Variants in DNAH5 observed in about 807,000 individuals in gnomAD.
DNAH5 encodes axonemal beta dynein heavy chain 5.
A neutral mutation model predicts 518.2 loss-of-function variants in DNAH5; 372 were observed. The ratio of observed to expected loss-of-function variants is 0.72; its 90% CI spans 0.66 to 0.78. The LOEUF is 0.78. DNAH5 is among the 30% of genes least tolerant of loss of function. The probability of loss-of-function intolerance (pLI) is 0.00; values close to 1 mark genes in which losing one functional copy is unlikely to be tolerated. For missense variants in DNAH5, 5,523 were observed against 5,687.0 expected, an observed-to-expected ratio of 0.97 and a Z score of 0.93; for synonymous variants, 2,039 against 2,025.9, an observed-to-expected ratio of 1.01 and a Z score of -0.17.
intron 1 of DNAH5, among the ~76,000 whole-genome samples, chr5:13,975,583 T>G (rs1249229407): frequency 2.0e-5 from 3 of 152,196 alleles, no homozygotes. Flanking sequence ...ACTTACCATA[T>G]GGAATGAAAG....
At chr5:13,729,617 A>G (rs1007414227) in intron 68 of DNAH5, 57 bp from the exon 69 acceptor site, 2 of 1,426,898 alleles carry the variant, frequency 1.4e-6, no homozygotes, top group East Asian at 5.0e-5. Flanking sequence ...AAAACAATCT[A>G]TTTAGTAAAA....
intron 1 of DNAH5, among the ~76,000 whole-genome samples, chr5:13,959,374 C>T (rs1372928780): frequency 1.3e-5 from 2 of 152,212 alleles, no homozygotes; most frequent in East Asian, 3.9e-4. Flanking sequence ...AAGAGGCAGA[C>T]AAGTGTGGAT....
At chr5:13,937,142 C>T (rs1244371099) in intron 1 of DNAH5, among the ~76,000 whole-genome samples, 1 of 151,818 alleles carries the variant, frequency 6.6e-6, no homozygotes, top group African/African-American at 2.4e-5. Flanking sequence ...GGAATCAAGC[C>T]CTTGCTGTCC....
At position 13,770,753 on chromosome 5, in the gene DNAH5, T is replaced by C; in HGVS notation, c.9601A>G (p.Asn3201Asp). ...EKHVEVRTLA[N>D]RMNTGLEKLK... is the part of the protein sequence containing the mutation. ...GTATAAGAACATCACACTTACCTGT[T>C]GGCCAGGGTCCGCACCTCCACATGC... The change falls in exon 56 of 79, where the codon AAC (asparagine) becomes GAC (aspartate). Residue 3201 changes from asparagine to aspartate, a missense_variant. Physicochemically the swap from Asn to Asp is conservative, Grantham distance 23. Transcript: ENST00000265104. 6.2e-7 allele frequency: 1 copy of C among 1,613,524 alleles called. No homozygotes were observed. Among genetic ancestry groups the C allele is most frequent in the Non-Finnish European group, 8.5e-7 (1 of 1,179,514 alleles).
At chr5:13,991,393 G>A (rs10045723) in intron 1 of DNAH5, among the ~76,000 whole-genome samples, 46,065 of 151,858 alleles carry the variant, frequency 0.3, 7,316 homozygotes, top group East Asian at 0.61. Context: ...GGGCTGAATC[G>A]TTCCCTTTGG....
chr5:13,999,142 G>A lies in DNAH5; in HGVS notation c.12+12506C>T, dbSNP rs190307579. On this transcript the variant is annotated intron_variant, in intron 1 of 78. Transcript: ENST00000681290. Reference sequence around the variant, plus strand: ...CCGCCTTGGCCTCCCAAGGTGCTGGGATTACAGGCGTGAGCCACGATGACC... The same window carrying A: ...CCGCCTTGGCCTCCCAAGGTGCTGGAATTACAGGCGTGAGCCACGATGACC... Among the ~76,000 whole-genome samples the A allele has an allele frequency of 2.6e-3, 397 of 152,344 alleles. 3 individuals are homozygous for A. Among genetic ancestry groups the A allele is most frequent in the African/African-American group, 9.2e-3 (383 of 41,576 alleles).
intron 30 of DNAH5, among the ~76,000 whole-genome samples, chr5:13,854,594 T>A (rs1767350476): frequency 6.6e-6 from 1 of 152,072 alleles, no homozygotes; most frequent in Non-Finnish European, 1.5e-5. Context: ...AGAGTCAAGA[T>A]CCATCAGTGT....
chr5:13,963,292 AC>A (rs745995865), intron 1 of DNAH5, among the ~76,000 whole-genome samples: 1 of 152,060 alleles, frequency 6.6e-6, no homozygotes, highest in African/African-American at 2.4e-5. Context: ...AAAATAAATG[AC>A]CTGGTCGGAA....
intron 53 of DNAH5, among the ~76,000 whole-genome samples, chr5:13,780,538 T>C (rs1754941694): frequency 6.6e-6 from 1 of 152,234 alleles, no homozygotes; most frequent in Admixed American, 6.5e-5. Flanking sequence ...CAGGGACAAT[T>C]GTCTTCTGAA....
upstream of DNAH5, among the ~76,000 whole-genome samples, chr5:13,949,239 C>T (rs1443284899): frequency 6.6e-6 from 1 of 152,040 alleles, no homozygotes; most frequent in Non-Finnish European, 1.5e-5. Context: ...TTGGTCTTTC[C>T]ATCTTGAAAA....
At chr5:13,885,297 A>T in intron 18 of DNAH5, 69 bp from the exon 19 acceptor site, 1 of 1,551,056 alleles carries the variant, frequency 6.4e-7, no homozygotes, top group Non-Finnish European at 8.9e-7. Context: ...AGACAGATAG[A>T]TAGACAGATA....
At chr5:13,724,757 A>G (rs1339342409) in intron 70 of DNAH5, among the ~76,000 whole-genome samples, 4 of 152,098 alleles carry the variant, frequency 2.6e-5, no homozygotes, top group Non-Finnish European at 5.9e-5. Flanking sequence ...GTTTAAAAGT[A>G]TGCAGCATCT....
intron 58 of DNAH5, among the ~76,000 whole-genome samples, chr5:13,767,428 T>C (rs1402008427): frequency 2.0e-5 from 3 of 152,186 alleles, no homozygotes; most frequent in Admixed American, 2.0e-4. Context: ...CCCAGCCTGT[T>C]TTAATATATT....
intron 3 of DNAH5, among the ~76,000 whole-genome samples, chr5:13,924,675 C>CAA (rs5866075): frequency 2.7e-5 from 3 of 112,816 alleles, no homozygotes; most frequent in African/African-American, 6.3e-5. Context: ...AACTCCGTCT[C>CAA]AAAAAAAAAA....
intron 14 of DNAH5, 80 bp downstream of exon 14, chr5:13,901,172 A>G: frequency 1.3e-6 from 2 of 1,487,402 alleles, no homozygotes; most frequent in East Asian, 2.3e-5. Context: ...CCAGCTTTCT[A>G]AAGAAATAAC....
chr5:14,000,896 G>C (rs893391763), intron 1 of DNAH5, among the ~76,000 whole-genome samples: 6 of 152,126 alleles, frequency 3.9e-5, no homozygotes, highest in African/African-American at 1.4e-4. Flanking sequence ...ATCAACCCAG[G>C]TGCCCATCAG....
At chr5:13,858,241 A>G (rs949820840) in intron 30 of DNAH5, among the ~76,000 whole-genome samples, 1 of 152,198 alleles carries the variant, frequency 6.6e-6, no homozygotes, top group African/African-American at 2.4e-5. Context: ...TGCAGCCACA[A>G]AAAAGGAGGA....
chr5:13,813,096 C>G (rs1760931510), intron 43 of DNAH5, among the ~76,000 whole-genome samples: 1 of 152,154 alleles, frequency 6.6e-6, no homozygotes, highest in East Asian at 1.9e-4. Context: ...CAGAGCTGGC[C>G]TTCCTGTTCT....
chr5:13,763,650 C>T, intron 59 of DNAH5, among the ~76,000 whole-genome samples: 1 of 152,180 alleles, frequency 6.6e-6, no homozygotes, highest in East Asian at 1.9e-4. Context: ...AATTTAGCAA[C>T]TAAATAATTT....
Sources: gnomAD v4.1 joint callset for allele counts (sites outside exome capture counted in the v4.1 genomes callset) on GRCh38, gnomAD v4.1.1 for gene constraint, MANE v1.5 for transcripts, NCBI Gene and HGNC (gene_info 2026-07-23, HGNC 2026-07-21) for gene names.